Variants in FGF13 observed in about 807,000 individuals in gnomAD.
The protein encoded by FGF13 is fibroblast growth factor 13.
In FGF13, 2 loss-of-function variants were observed where a neutral mutation model predicts 19.5. That is an observed-to-expected ratio of 0.10 (90% CI 0.04 to 0.32). FGF13 has a LOEUF of 0.32. FGF13 is among the 10% of genes least tolerant of loss of function. The pLI, the probability that FGF13 is intolerant of heterozygous loss-of-function variation, is 1.00. For synonymous variants in FGF13, 72 were observed against 76.9 expected (o/e 0.94, Z 0.33); for missense variants, 113 against 192.7 (o/e 0.59, Z 2.45).
rs200424589 is a variant in FGF13 at position 139,005,754 on chromosome X, AC to A, written c.-112-141105del. Among the ~76,000 whole-genome samples, 157 of 107,305 alleles carry A rather than the reference AC, an allele frequency of 1.5e-3. No individual in the cohort carries two copies. The Middle Eastern group carries it at 0.015, about 10-fold the overall frequency. The allele number at this position is 107,305 out of a possible 115,157, so 93.2% of individuals were successfully genotyped here. ...AAAATATTGAAATAAACAAAAAAAA[AC>A]CAGAAATTCTAAAGTTTAAAAATGG... On this transcript the variant is annotated intron_variant, in intron 1 of 2. Transcript: ENST00000421460.
downstream of FGF13, among the ~76,000 whole-genome samples, chrX:138,853,620 C>CGTGTGTGT (rs34651876): frequency 8.0e-5 from 8 of 99,901 alleles, no homozygotes; most frequent in African/African-American, 2.2e-4. Flanking sequence ...TGTGCGTGTG[C>CGTGTGTGT]GTGTGTGTGT....
At chrX:138,764,261 C>T (rs935443352) in intron 3 of FGF13, among the ~76,000 whole-genome samples, 3 of 112,329 alleles carry the variant, frequency 2.7e-5, no homozygotes, top group African/African-American at 9.7e-5. Flanking sequence ...CAGATGAAAG[C>T]ATGTGTAATT....
chrX:139,122,763 C>T (rs772684099), intron 1 of FGF13, among the ~76,000 whole-genome samples: 1 of 111,486 alleles, frequency 9.0e-6, no homozygotes. Context: ...TCAGACCAAA[C>T]TTTTTGGGAC....
chrX:139,080,591 C>T (rs2083364040), intron 1 of FGF13, among the ~76,000 whole-genome samples: 1 of 111,613 alleles, frequency 9.0e-6, no homozygotes, highest in Non-Finnish European at 1.9e-5. Flanking sequence ...ATGCCTGCTC[C>T]CAAGCAGCTT....
rs765286166 is a variant in FGF13 at position 138,986,757 on chromosome X, T to C, written c.-112-122107A>G. On this transcript the variant is annotated intron_variant, in intron 1 of 2. Transcript: ENST00000421460. ...AAATTTGCTCTAGAATAAATTTCTA[T>C]AAAGCAACCTGATTTTCCCATTGAA... is the stretch of plus-strand genomic sequence containing the variant. 5.4e-5 allele frequency among the ~76,000 whole-genome samples: 6 copies of C among 111,780 alleles called. No individual in the cohort carries two copies. In the South Asian group the frequency reaches 2.3e-3, roughly 42 times the overall value.
chrX:138,681,221 C>T (rs1417791575), intron 3 of FGF13, among the ~76,000 whole-genome samples: 1 of 110,560 alleles, frequency 9.0e-6, no homozygotes, highest in Non-Finnish European at 1.9e-5. Flanking sequence ...TTTGTGTAGC[C>T]ACCTTCATCA....
chrX:139,064,502 C>A, intron 1 of FGF13, among the ~76,000 whole-genome samples: 1 of 79,809 alleles, frequency 1.3e-5, no homozygotes, highest in South Asian at 5.6e-4. Context: ...CGGGGTTTCA[C>A]CTTGTTAGCC....
intron 3 of FGF13, among the ~76,000 whole-genome samples, chrX:138,683,629 A>C (rs748171504): frequency 9.0e-6 from 1 of 111,710 alleles, no homozygotes; most frequent in African/African-American, 3.2e-5. Context: ...CTAAGCCCAA[A>C]TGAGAATTTT....
At chrX:138,788,989 C>T (rs970909718) in intron 3 of FGF13, among the ~76,000 whole-genome samples, 5 of 111,276 alleles carry the variant, frequency 4.5e-5, no homozygotes, top group Admixed American at 1.9e-4. Context: ...CAAGTTCCAC[C>T]TTCCACAAAA....
intron 1 of FGF13, among the ~76,000 whole-genome samples, chrX:138,922,501 G>A (rs1337315222): frequency 1.8e-5 from 2 of 111,122 alleles, no homozygotes; most frequent in African/African-American, 3.3e-5. Flanking sequence ...TCTTTAGGGG[G>A]GTGATCTAAA....
chrX:139,117,842 T>C (rs147167044), intron 1 of FGF13, among the ~76,000 whole-genome samples: 62 of 111,480 alleles, frequency 5.6e-4, no homozygotes, highest in Non-Finnish European at 9.6e-4. Context: ...TACCCACTTG[T>C]TTGCTCAATG....
chrX:138,808,999 C>T (rs1023375063), intron 3 of FGF13, among the ~76,000 whole-genome samples: 2 of 111,559 alleles, frequency 1.8e-5, no homozygotes, highest in African/African-American at 3.3e-5. Flanking sequence ...GATTCACAGC[C>T]GAATTCTACC....
At position 139,167,357 on chromosome X, in the gene FGF13, T is replaced by C. The variant is rs1361720193; in HGVS notation, c.-113+36059A>G. Reference sequence around the variant, plus strand: ...TAATCAAGAGAAGATATATTCTAATTACAGAGATAAAGATAAGCAAAAGTC... The same window carrying C: ...TAATCAAGAGAAGATATATTCTAATCACAGAGATAAAGATAAGCAAAAGTC... On this transcript the variant is annotated intron_variant, in intron 1 of 2. Transcript: ENST00000421460. Among the ~76,000 whole-genome samples, 17 of 111,849 alleles carry C rather than the reference T, an allele frequency of 1.5e-4. No individual in the cohort carries two copies. The Admixed American group carries it at 1.6e-3, about 11-fold the overall frequency.
intron 3 of FGF13, among the ~76,000 whole-genome samples, chrX:138,788,049 C>T (rs2090708185): frequency 9.0e-6 from 1 of 111,624 alleles, no homozygotes; most frequent in African/African-American, 3.3e-5. Context: ...TTTTCAACTC[C>T]AAAGTCTCAT....
intron 3 of FGF13, among the ~76,000 whole-genome samples, chrX:138,667,061 T>C (rs1156750662): frequency 9.2e-6 from 1 of 108,505 alleles, no homozygotes; most frequent in Non-Finnish European, 1.9e-5. Context: ...ATGTAATATA[T>C]ATGTATTTTA....
intron 1 of FGF13, among the ~76,000 whole-genome samples, chrX:139,035,044 T>C (rs1287747397): frequency 8.9e-6 from 1 of 111,984 alleles, no homozygotes; most frequent in Non-Finnish European, 1.9e-5. Context: ...CGCTTGGCAA[T>C]GATCTATCTT....
chrX:138,826,147 A>G (rs1047872643), intron 3 of FGF13, among the ~76,000 whole-genome samples: 4 of 112,085 alleles, frequency 3.6e-5, no homozygotes, highest in Non-Finnish European at 1.9e-5. Context: ...CCTTTCTAGA[A>G]GATCATTACA....
At chrX:138,782,212 G>A (rs1205507488) in intron 3 of FGF13, among the ~76,000 whole-genome samples, 2 of 112,226 alleles carry the variant, frequency 1.8e-5, no homozygotes, top group Non-Finnish European at 3.8e-5. Context: ...ATACTGCCTG[G>A]GCAAAAACTG....
At chrX:139,127,571 T>C (rs760124011) in intron 1 of FGF13, among the ~76,000 whole-genome samples, 4 of 111,645 alleles carry the variant, frequency 3.6e-5, no homozygotes, top group Admixed American at 9.5e-5. Flanking sequence ...ACTTTTTTCA[T>C]GTATGGCACT....
Sources: gnomAD v4.1 joint callset for allele counts (sites outside exome capture counted in the v4.1 genomes callset) on GRCh38, gnomAD v4.1.1 for gene constraint, MANE v1.5 for transcripts, NCBI Gene and HGNC (gene_info 2026-07-23, HGNC 2026-07-21) for gene names.